BICD1: variants seen among roughly 807,000 people sequenced by gnomAD.
The protein encoded by BICD1 is protein bicaudal D homolog 1.
BICD1 carries 35 observed loss-of-function variants against 92.5 expected under a neutral mutation model. That is an observed-to-expected ratio of 0.38 (90% confidence interval 0.29 to 0.50). BICD1 has a LOEUF of 0.50. Among genes scored for constraint, BICD1 ranks in the 20% least tolerant of loss-of-function variants. The probability of loss-of-function intolerance (pLI) is 0.93; values close to 1 mark genes in which losing one functional copy is unlikely to be tolerated. For synonymous variants in BICD1, 429 were observed against 465.1 expected, an observed-to-expected ratio of 0.92 and a Z score of 1.00; for missense variants, 950 against 1,189.8, an observed-to-expected ratio of 0.80 and a Z score of 2.97.
At chr12:32,197,908 G>C (rs1323142320) in intron 1 of BICD1, among the ~76,000 whole-genome samples, 1 of 37,874 alleles carries the variant, frequency 2.6e-5, no homozygotes, top group Non-Finnish European at 6.6e-5. Flanking sequence ...CATGCATATA[G>C]TAAAAAAAAA....
intron 2 of BICD1, among the ~76,000 whole-genome samples, chr12:32,288,181 T>C (rs140441065): frequency 3.8e-4 from 58 of 151,840 alleles, no homozygotes; most frequent in Non-Finnish European, 7.1e-4. Context: ...TGTGATTAAT[T>C]GGGGGCCATT....
Position 32,235,402 on chromosome 12 carries a change from G to A in BICD1, c.426+18943G>A, listed in dbSNP as rs866734873. The stretch of plus-strand genomic sequence containing the variant: ...TTTGAATTAGTCTTTTGTTGGTCGT[G>A]CGTTCCAATGAAATGATGTTTCACA... On this transcript the variant is annotated intron_variant, in intron 2 of 9. Transcript: ENST00000652176. Among the ~76,000 whole-genome samples, 9 of 152,258 alleles carry A rather than the reference G, an allele frequency of 5.9e-5. No individual in the cohort carries two copies. In the Middle Eastern group the frequency reaches 0.017, roughly 288 times the overall value.
chr12:32,138,713 G>A (rs947906127), intron 1 of BICD1, among the ~76,000 whole-genome samples: 1 of 152,156 alleles, frequency 6.6e-6, no homozygotes, highest in Non-Finnish European at 1.5e-5. Context: ...TTTAAGGTAG[G>A]TGAGGCTAAG....
intron 8 of BICD1, among the ~76,000 whole-genome samples, chr12:32,345,967 G>A (rs1233412332): frequency 6.6e-6 from 1 of 152,028 alleles, no homozygotes; most frequent in Non-Finnish European, 1.5e-5. Flanking sequence ...TGGGCAACAT[G>A]GCGAAACCAT....
At chr12:32,283,382 A>ACTCCC (rs1947472236) in intron 2 of BICD1, among the ~76,000 whole-genome samples, 1 of 150,868 alleles carries the variant, frequency 6.6e-6, no homozygotes, top group Admixed American at 6.6e-5. Context: ...ACTCCACTCC[A>ACTCCC]CTCCACTCCA....
chr12:32,244,776 G>C (rs1332955225), intron 2 of BICD1, among the ~76,000 whole-genome samples: 1 of 151,878 alleles, frequency 6.6e-6, no homozygotes, highest in Non-Finnish European at 1.5e-5. Flanking sequence ...CTACAGGCAC[G>C]TGCCACCATG....
At chr12:32,256,179 A>C (rs764117418) in intron 2 of BICD1, among the ~76,000 whole-genome samples, 8 of 152,220 alleles carry the variant, frequency 5.3e-5, no homozygotes, top group Non-Finnish European at 8.8e-5. Context: ...CAGCCTCCTG[A>C]GTAGGCAGGA....
intron 2 of BICD1, among the ~76,000 whole-genome samples, chr12:32,260,179 C>T (rs1383798238): frequency 6.6e-6 from 1 of 152,232 alleles, no homozygotes; most frequent in African/African-American, 2.4e-5. Flanking sequence ...CCCGCCTCCG[C>T]CTCCCAAAGT....
chr12:32,340,204 G>A (rs1466461623), intron 8 of BICD1: 4 of 985,146 alleles, frequency 4.1e-6, no homozygotes, highest in Non-Finnish European at 3.6e-6. Flanking sequence ...TAAAAGATGT[G>A]GTGTAGAAAC....
intron 9 of BICD1, among the ~76,000 whole-genome samples, chr12:32,374,273 C>T (rs756821797): frequency 6.6e-6 from 1 of 151,642 alleles, no homozygotes; most frequent in South Asian, 2.1e-4. Flanking sequence ...TGTAATGTGA[C>T]GATTCTGCAT....
At chr12:32,123,893 AGAC>A (rs1486219281) in intron 1 of BICD1, among the ~76,000 whole-genome samples, 1 of 151,712 alleles carries the variant, frequency 6.6e-6, no homozygotes, top group African/African-American at 2.4e-5. Context: ...AAAAAAAAAA[AGAC>A]AGCCAGTTAT....
At chr12:32,319,656 C>T (rs1376736384) in intron 4 of BICD1, among the ~76,000 whole-genome samples, 3 of 152,040 alleles carry the variant, frequency 2.0e-5, no homozygotes, top group Admixed American at 6.6e-5. Flanking sequence ...TGGATCGCTG[C>T]AACCTCTGCT....
intron 8 of BICD1, among the ~76,000 whole-genome samples, chr12:32,361,700 G>C (rs1032896161): frequency 3.9e-5 from 6 of 152,134 alleles, no homozygotes; most frequent in Non-Finnish European, 7.4e-5. Context: ...AAGAGATGTG[G>C]TGTGGAAAAT....
At position 32,238,997 on chromosome 12, in the gene BICD1, A is replaced by G. The variant is rs868533537; in HGVS notation, c.426+22538A>G. Among the ~76,000 whole-genome samples, 10 of 150,466 alleles carry G rather than the reference A, an allele frequency of 6.6e-5. No homozygotes were observed. The Middle Eastern group carries it at 0.017, about 263-fold the overall frequency. On this transcript the variant is annotated intron_variant, in intron 2 of 9. Transcript: ENST00000652176. ...CGCAGTGGCTCACGCCTGTAATCCC[A>G]GCACTTTGGGAGGCCGAGGCAGGTG... is the stretch of plus-strand genomic sequence containing the variant.
intron 2 of BICD1, among the ~76,000 whole-genome samples, chr12:32,275,018 A>AAC (rs4001811): frequency 0.64 from 97,677 of 151,638 alleles, 31,769 homozygotes; most frequent in African/African-American, 0.72. Context: ...GTGCTTATTA[A>AAC]AAATAAATTC....
In BICD1 at chr12:32,305,683, C is replaced by G; in HGVS notation, c.580-14C>G. 1 of 1,587,910 alleles carries G rather than the reference C, an allele frequency of 6.3e-7. No homozygotes were observed. Among genetic ancestry groups the G allele is most frequent in the Non-Finnish European group, 8.6e-7 (1 of 1,168,484 alleles). On this transcript the variant is annotated splice_polypyrimidine_tract_variant and intron_variant, in intron 3 of 9. Transcript: ENST00000652176. ...TTTTAGTTTTATGAATCTTCTTTAT[C>G]CTGTCTGATTCAGGTTGAATACGAA...
chr12:32,113,161 G>A, intron 1 of BICD1, among the ~76,000 whole-genome samples: 1 of 152,158 alleles, frequency 6.6e-6, no homozygotes, highest in East Asian at 1.9e-4. Context: ...AGGCTGTGTG[G>A]TGGGACAGAC....
At chr12:32,264,929 T>C (rs1017032862) in intron 2 of BICD1, among the ~76,000 whole-genome samples, 3 of 152,180 alleles carry the variant, frequency 2.0e-5, no homozygotes, top group Non-Finnish European at 4.4e-5. Flanking sequence ...TTTTGCAGAA[T>C]AGGCATGTGC....
intron 2 of BICD1, among the ~76,000 whole-genome samples, chr12:32,228,820 G>A (rs1945784374): frequency 6.6e-6 from 1 of 152,162 alleles, no homozygotes; most frequent in African/African-American, 2.4e-5. Context: ...GCACATTTTA[G>A]GAAGGAAGGT....
Sources: allele counts gnomAD v4.1 joint callset (sites outside exome capture counted in the v4.1 genomes callset), GRCh38; gene constraint gnomAD v4.1.1; transcripts MANE v1.5; gene names NCBI Gene and HGNC (gene_info 2026-07-23, HGNC 2026-07-21).